PTPRU: variants seen among roughly 807,000 people sequenced by gnomAD.
PTPRU encodes protein tyrosine phosphatase receptor type U, also known as receptor-type tyrosine-protein phosphatase U.
PTPRU carries 69 observed loss-of-function variants against 166.3 expected under a neutral mutation model. The observed-to-expected ratio is 0.41, with a 90% CI of 0.34 to 0.51. PTPRU has a LOEUF of 0.51. Among genes scored for constraint, PTPRU ranks in the 20% least tolerant of loss-of-function variants. The pLI is 0.09. For synonymous variants in PTPRU, 793 were observed against 814.0 expected (o/e 0.97, Z 0.44); for missense variants, 1,657 against 2,013.7 (o/e 0.82, Z 3.39).
Position 29,275,731 on chromosome 1 carries a change from G to T in PTPRU, c.1428G>T (p.Glu476Asp). Residue 476 changes from glutamate (E) to aspartate (D), a missense_variant, in exon 8 of 30, where the codon GAG (glutamate) becomes GAT (aspartate). Glu to Asp is a conservative substitution (Grantham distance 45, BLOSUM62 2). Transcript: ENST00000373779. ...CTGAGGGGCGCAAAGAGGGCAAGGA[G>T]GTCACTTTCCAGACGGATGAGGATG... Reference protein sequence around the residue: ...TNPEGRKEGKEVTFQTDEDVP... With the variant: ...TNPEGRKEGKDVTFQTDEDVP... The T allele has an allele frequency of 6.2e-7, 1 of 1,614,146 alleles. No individual in the cohort carries two copies. Among genetic ancestry groups the T allele is most frequent in the Non-Finnish European group, 8.5e-7 (1 of 1,180,004 alleles).
chr1:29,241,743 C>T (rs1434997241), intron 1 of PTPRU, among the ~76,000 whole-genome samples: 28 of 151,082 alleles, frequency 1.9e-4, no homozygotes, highest in Admixed American at 1.3e-4. Context: ...TACAGGCGCA[C>T]GCCACCATGC....
At position 29,310,783 on chromosome 1, in the gene PTPRU, A is replaced by G. The variant is rs184436301; in HGVS notation, c.2857+3A>G. The G allele has an allele frequency of 2.9e-5, 47 of 1,613,698 alleles. No homozygotes were observed. The highest frequency in any genetic ancestry group is 3.9e-5 in the Non-Finnish European group (46 of 1,179,684). On this transcript the variant is annotated splice_donor_region_variant and intron_variant, in intron 19 of 29. Coordinates refer to ENST00000373779, the MANE Select transcript of PTPRU (RefSeq NM_133178.4). Reference sequence around the variant, plus strand: ...AAACCACTTCATAGCCACTCAAGGTACCTGGCACTTCTGCCCACATGCGCC... The same window carrying G: ...AAACCACTTCATAGCCACTCAAGGTGCCTGGCACTTCTGCCCACATGCGCC...
Position 29,276,861 on chromosome 1 carries a change from G to A in PTPRU, c.1453+1105G>A, listed in dbSNP as rs551514961. 2.0e-5 allele frequency among the ~76,000 whole-genome samples: 3 copies of A among 152,116 alleles called. No individual in the cohort carries two copies. The East Asian group carries it at 5.8e-4, about 29-fold the overall frequency. ...GTTCTGTTTGCCTTTTGAGATAGAAGTTTCTTAGATCATTAATACTGAGCC... is the reference window on the plus strand; with the variant it reads ...GTTCTGTTTGCCTTTTGAGATAGAAATTTCTTAGATCATTAATACTGAGCC... On this transcript the variant is annotated intron_variant, in intron 8 of 29. Coordinates refer to ENST00000373779, the MANE Select transcript of PTPRU (RefSeq NM_133178.4).
intron 15 of PTPRU, among the ~76,000 whole-genome samples, chr1:29,300,274 A>T (rs1328751829): frequency 6.6e-6 from 1 of 152,198 alleles, no homozygotes; most frequent in Non-Finnish European, 1.5e-5. Context: ...GTTTCATGAA[A>T]CAAACAAGAA....
At chr1:29,323,946 A>G (rs530235468) in intron 28 of PTPRU, among the ~76,000 whole-genome samples, 158 bp downstream of exon 28, 1 of 152,318 alleles carries the variant, frequency 6.6e-6, no homozygotes, top group Admixed American at 6.5e-5. Context: ...CAACCAGCCA[A>G]GGCTGGCCCT....
In PTPRU at chr1:29,320,694, C is replaced by T. The variant is rs1688115171; in HGVS notation, c.3697C>T (p.Arg1233Trp). ...INAALTDSYT[R>W]SAAFIVTLHP... ...TCCGGTTTCCCTGCAGAGCTACACA[C>T]GGAGTGCGGCCTTCATCGTGACCCT... is the stretch of plus-strand genomic sequence containing the variant. Residue 1233 changes from arginine to tryptophan, a missense_variant, in exon 26 of 30, where the codon CGG becomes TGG. Arg to Trp is a moderately radical substitution (Grantham distance 101). This residue lies in a region of PTPRU where 1,190 missense variants were observed against 1,477.4 expected (regional missense o/e 0.81). Transcript: ENST00000373779. The surrounding 1 kb of genome is among the most constrained non-coding windows in gnomAD (Gnocchi z 5.2). 1.9e-6 allele frequency: 3 copies of T among 1,590,394 alleles called. No homozygotes were observed. Among genetic ancestry groups the T allele is most frequent in the East Asian group, 2.3e-5 (1 of 44,130 alleles).
At chr1:29,249,046 A>G (rs1558547015) in intron 1 of PTPRU, among the ~76,000 whole-genome samples, 1 of 152,158 alleles carries the variant, frequency 6.6e-6, no homozygotes, top group Admixed American at 6.5e-5. Flanking sequence ...CAAAGTCACA[A>G]AGGGACTTAG....
chr1:29,244,479 G>A (rs1351016417), intron 1 of PTPRU, among the ~76,000 whole-genome samples: 2 of 152,220 alleles, frequency 1.3e-5, no homozygotes, highest in East Asian at 1.9e-4. Context: ...AAACCTAGTG[G>A]ATAGGACAGG....
At chr1:29,282,454 C>T (rs1331219834) in intron 11 of PTPRU, among the ~76,000 whole-genome samples, 1 of 152,220 alleles carries the variant, frequency 6.6e-6, no homozygotes, top group Admixed American at 6.5e-5. Flanking sequence ...CTTGCCTGTT[C>T]TTCCCATCTA....
chr1:29,258,904 G>A (rs1234391783), intron 3 of PTPRU, 128 bp downstream of exon 3: 1 of 1,370,188 alleles, frequency 7.3e-7, no homozygotes, highest in Non-Finnish European at 9.7e-7. Flanking sequence ...GGCAACCTGT[G>A]GTCAAGGCCA....
intron 5 of PTPRU, 31 bp downstream of exon 5, chr1:29,259,595 C>CGGGGG: frequency 3.8e-6 from 1 of 265,618 alleles, no homozygotes; most frequent in Non-Finnish European, 7.2e-6. Context: ...TGGCTGGGGG[C>CGGGGG]GGGGTGGGAG....
chr1:29,236,624 A>G lies in PTPRU; in HGVS notation c.-21A>G, dbSNP rs1683774890. 8.1e-7 allele frequency: 1 copy of G among 1,232,918 alleles called. No homozygotes were observed. The allele number at this position is 1,232,918 out of a possible 1,614,324, so 76.4% of individuals were successfully genotyped here. A position where few individuals can be genotyped will look rare whatever the true frequency, so the allele number is the denominator to read the frequency against. On this transcript the variant is annotated 5_prime_UTR_variant, in exon 1 of 30. Transcript: ENST00000373779. The surrounding 1 kb of genome is among the most constrained non-coding windows in gnomAD (Gnocchi z 4.6). ...GGCGTCCCCCGCGCCGGGCCCCGGG[A>G]CGGGCGGCGACGCTCCAACCATGGC...
At chr1:29,325,495 TGGGCTC>T (rs1477416999) in intron 29 of PTPRU, 98 bp from the exon 30 acceptor site, 2 of 1,509,708 alleles carry the variant, frequency 1.3e-6, no homozygotes, top group East Asian at 2.3e-5. Context: ...AGGGCGGGCC[TGGGCTC>T]GGGCTCGTGC....
Position 29,317,769 on chromosome 1 carries a change from C to T in PTPRU, c.3535C>T (p.Pro1179Ser). 5.0e-6 allele frequency: 8 copies of T among 1,610,882 alleles called. No individual in the cohort carries two copies. The highest frequency in any genetic ancestry group is 6.8e-6 in the Non-Finnish European group (8 of 1,179,840). Reference protein sequence around the residue: ...EFQTLNSVTPPLDVEECSIAL... With the variant: ...EFQTLNSVTPSLDVEECSIAL... ...GTAGACGCTGAACTCGGTCACCCCGCCGCTGGACGTGGAGGAGTGCAGCAT... is the reference window on the plus strand; with the variant it reads ...GTAGACGCTGAACTCGGTCACCCCGTCGCTGGACGTGGAGGAGTGCAGCAT... The change falls in exon 25 of 30, where the codon CCG (proline) becomes TCG (serine). Residue 1179 changes from proline to serine, a missense_variant. Transcript: ENST00000373779. The surrounding 1 kb of genome is among the most constrained non-coding windows in gnomAD (Gnocchi z 5.6).
At chr1:29,306,653 C>T (rs115186015) in intron 18 of PTPRU, among the ~76,000 whole-genome samples, 1,782 of 152,188 alleles carry the variant, frequency 0.012, 35 homozygotes, top group African/African-American at 0.04. Flanking sequence ...AAGAGTGTCC[C>T]GGGTGAGGAG....
intron 24 of PTPRU, among the ~76,000 whole-genome samples, chr1:29,316,615 A>G (rs554650736): frequency 1.3e-5 from 2 of 152,310 alleles, no homozygotes; most frequent in South Asian, 2.1e-4. Flanking sequence ...GATGATGCCA[A>G]CAGGTGGTTT....
In PTPRU at chr1:29,260,164, G is replaced by C. The variant is rs1574624165; in HGVS notation, c.850+120G>C. 3.2e-5 allele frequency: 36 copies of C among 1,138,508 alleles called. No homozygotes were observed. In the East Asian group the frequency reaches 1.1e-3, roughly 36 times the overall value. 70.5% of individuals were successfully genotyped at this position (1,138,508 alleles called of 1,614,324 possible). ...GGGTGGGGCCGGCAGGGTGTCGCTG[G>C]GGCGCTATCTGAAGATGGGCCTGTG... On this transcript the variant is annotated intron_variant, in intron 6 of 29. Transcript: ENST00000373779. The surrounding 1 kb of genome is among the most constrained non-coding windows in gnomAD (Gnocchi z 8.3).
At chr1:29,302,061 C>T (rs1687158068) in intron 15 of PTPRU, among the ~76,000 whole-genome samples, 1 of 151,916 alleles carries the variant, frequency 6.6e-6, no homozygotes, top group Non-Finnish European at 1.5e-5. Flanking sequence ...TGTGTTATTG[C>T]CCCTAAAGAC....
In PTPRU at chr1:29,260,209, C is replaced by G; in HGVS notation, c.850+165C>G. The G allele has an allele frequency of 1.2e-6, 1 of 809,748 alleles. No homozygotes were observed. Among genetic ancestry groups the G allele is most frequent in the Non-Finnish European group, 1.7e-6 (1 of 575,708 alleles). The allele number at this position is 809,748 out of a possible 1,614,324, so 50.2% of individuals were successfully genotyped here. The stretch of plus-strand genomic sequence containing the variant: ...CCTGTGGAAATGGCAGTGGCCCAGC[C>G]GGGATGAGATCTGATCTAGGGGTCG... On this transcript the variant is annotated intron_variant, in intron 6 of 29. Coordinates refer to ENST00000373779, the MANE Select transcript of PTPRU (RefSeq NM_133178.4). This position sits in a 1 kb window ranked among gnomAD's most constrained non-coding sequence, Gnocchi z 8.3.
Sources: gnomAD v4.1 joint callset for allele counts (sites outside exome capture counted in the v4.1 genomes callset) on GRCh38, gnomAD v4.1.1 for gene constraint, gnomAD v4.1.1 regional missense constraint, Gnocchi (gnomAD v3.1) non-coding constraint, MANE v1.5 for transcripts, NCBI Gene and HGNC (gene_info 2026-07-23, HGNC 2026-07-21) for gene names.